The following STK3 variants were observed in gnomAD, a reference collection of about 807,000 sequenced individuals.
STK3 encodes serine/threonine-protein kinase 3.
A neutral mutation model predicts 58.0 loss-of-function variants in STK3; 41 were observed. The ratio of observed to expected loss-of-function variants is 0.71; its 90% CI spans 0.55 to 0.92. The LOEUF is 0.92. STK3 is among the 40% of genes least tolerant of loss of function. STK3 has a pLI of 0.00. For synonymous variants in STK3, 170 were observed against 191.0 expected (o/e 0.89, Z 0.91); for missense variants, 479 against 602.7 (o/e 0.79, Z 2.15).
At chr8:98,937,047 G>T (rs555576642) in intron 1 of STK3, among the ~76,000 whole-genome samples, 1 of 152,224 alleles carries the variant, frequency 6.6e-6, no homozygotes, top group East Asian at 1.9e-4. Context: ...TGGGCTCAGA[G>T]GCAAAGATAA....
At chr8:98,371,982 G>A (rs1453700909) in intron 2 of STK3, among the ~76,000 whole-genome samples, 1 of 152,166 alleles carries the variant, frequency 6.6e-6, no homozygotes, top group Non-Finnish European at 1.5e-5. Context: ...GTGGGATCAG[G>A]GGGAGGGGGG....
chr8:98,586,718 G>C (rs542944506), intron 7 of STK3, among the ~76,000 whole-genome samples: 8 of 151,558 alleles, frequency 5.3e-5, no homozygotes, highest in Non-Finnish European at 1.0e-4. Flanking sequence ...CTGTGAATCT[G>C]TCTGGTCCTG....
At chr8:98,898,857 A>G (rs1838554288) in intron 1 of STK3, among the ~76,000 whole-genome samples, 2 of 152,204 alleles carry the variant, frequency 1.3e-5, no homozygotes, top group Non-Finnish European at 2.9e-5. Flanking sequence ...ACCTTCTGAC[A>G]TGTAGCTAAT....
At chr8:98,801,349 T>A (rs907978238) in intron 1 of STK3, among the ~76,000 whole-genome samples, 21 of 152,114 alleles carry the variant, frequency 1.4e-4, no homozygotes, top group Non-Finnish European at 1.5e-5. Flanking sequence ...AAAAGCAAGC[T>A]GCCCAAGCCA....
downstream of STK3, chr8:98,882,346 G>A (rs1301702613): frequency 6.6e-6 from 1 of 151,436 alleles, no homozygotes; most frequent in African/African-American, 2.4e-5. Context: ...TAATTGAAGA[G>A]GTAAAAAATA....
chr8:98,796,640 A>T (rs1175502112), intron 1 of STK3, among the ~76,000 whole-genome samples: 1 of 152,246 alleles, frequency 6.6e-6, no homozygotes, highest in Admixed American at 6.5e-5. Flanking sequence ...GCTTTTGTGC[A>T]GCAAAAGAAA....
chr8:98,748,413 C>A (rs922678142), intron 4 of STK3, among the ~76,000 whole-genome samples: 4 of 152,076 alleles, frequency 2.6e-5, no homozygotes, highest in Non-Finnish European at 5.9e-5. Context: ...TATTTACTTT[C>A]TTTTCTCTAA....
At chr8:98,751,342 G>C (rs1829969382) in intron 3 of STK3, among the ~76,000 whole-genome samples, 1 of 152,122 alleles carries the variant, frequency 6.6e-6, no homozygotes, top group Non-Finnish European at 1.5e-5. Context: ...ACATGATCCT[G>C]TATCTAGAAA....
At position 98,538,944 on chromosome 8, in the gene STK3, T is replaced by C. The variant is rs539913677; in HGVS notation, c.1141+9025A>G. ...GTAAAGGAAAATGAATGATTTCTAA[T>C]TGCCCAGAAATATGATGGGTATTTG... is the stretch of plus-strand genomic sequence containing the variant. On this transcript the variant is annotated intron_variant, in intron 9 of 10. Coordinates refer to ENST00000419617, the MANE Select transcript of STK3 (RefSeq NM_006281.4). 1.1e-4 allele frequency among the ~76,000 whole-genome samples: 17 copies of C among 152,332 alleles called. No individual in the cohort carries two copies. In the East Asian group the frequency reaches 1.9e-3, roughly 17 times the overall value.
chr8:98,551,243 T>C (rs1038501715), intron 8 of STK3, among the ~76,000 whole-genome samples: 9 of 152,184 alleles, frequency 5.9e-5, no homozygotes, highest in African/African-American at 2.2e-4. Flanking sequence ...TAAACTTCCA[T>C]AGAATTTACA....
Position 98,620,471 on chromosome 8 carries a change from A to AAAAT in STK3, c.685-24306_685-24303dup, listed in dbSNP as rs890531582. On this transcript the variant is annotated intron_variant, in intron 6 of 10. Coordinates refer to ENST00000419617, the MANE Select transcript of STK3 (RefSeq NM_006281.4). ...CCCTAAAACTTAAAGTATAATAAAA[A>AAAAT]AAATAAATAAATAAATAAATAAATA... Among the ~76,000 whole-genome samples the AAAAT allele has an allele frequency of 3.6e-3, 536 of 148,190 alleles. 2 individuals are homozygous for AAAAT. Among genetic ancestry groups the AAAAT allele is most frequent in the African/African-American group, 8.8e-3 (356 of 40,662 alleles).
chr8:98,760,760 C>G (rs1178240720), intron 3 of STK3, among the ~76,000 whole-genome samples: 1 of 151,234 alleles, frequency 6.6e-6, no homozygotes, highest in Non-Finnish European at 1.5e-5. Flanking sequence ...TCATCTCATA[C>G]CTAATGATCA....
At chr8:98,443,004 A>AC (rs397729667) in intron 1 of STK3, among the ~76,000 whole-genome samples, 8 of 148,154 alleles carry the variant, frequency 5.4e-5, no homozygotes, top group African/African-American at 1.7e-4. Flanking sequence ...AAAAAAAAAA[A>AC]CAACAAAAAA....
At chr8:98,715,399 T>C (rs1330676298) in intron 4 of STK3, among the ~76,000 whole-genome samples, 1 of 151,582 alleles carries the variant, frequency 6.6e-6, no homozygotes, top group African/African-American at 2.4e-5. Flanking sequence ...AAAGGGCTAA[T>C]ATCCAGAATC....
chr8:98,475,789 A>T (rs1424604090), intron 10 of STK3, among the ~76,000 whole-genome samples: 1 of 152,220 alleles, frequency 6.6e-6, no homozygotes, highest in Non-Finnish European at 1.5e-5. Context: ...TTTAACAATG[A>T]TAACCTTTCC....
chr8:98,417,491 G>A (rs973168277), intron 3 of STK3, among the ~76,000 whole-genome samples: 3 of 150,998 alleles, frequency 2.0e-5, no homozygotes, highest in Non-Finnish European at 4.4e-5. Context: ...TCCAGCCTGG[G>A]TGACAGAGCG....
chr8:98,597,341 C>T (rs1815915744), intron 6 of STK3: 1 of 985,168 alleles, frequency 1.0e-6, no homozygotes, highest in Non-Finnish European at 1.2e-6. Context: ...AATCTTTTTA[C>T]CAGTATATGC....
intron 10 of STK3, among the ~76,000 whole-genome samples, chr8:98,517,012 A>G (rs1433329717): frequency 6.6e-6 from 1 of 152,050 alleles, no homozygotes; most frequent in Non-Finnish European, 1.5e-5. Flanking sequence ...AATTAATAAT[A>G]CTATACTGCA....
intron 6 of STK3, among the ~76,000 whole-genome samples, chr8:98,605,253 T>C (rs1031245112): frequency 3.9e-5 from 6 of 152,184 alleles, no homozygotes; most frequent in Non-Finnish European, 8.8e-5. Flanking sequence ...ACTGATTTTC[T>C]GTATTGGTCT....
Sources: allele counts gnomAD v4.1 joint callset (sites outside exome capture counted in the v4.1 genomes callset), GRCh38; gene constraint gnomAD v4.1.1; transcripts MANE v1.5; gene names NCBI Gene and HGNC (gene_info 2026-07-23, HGNC 2026-07-21).